The following MACROD2 variants were observed in gnomAD, a reference collection of about 807,000 sequenced individuals.
MACROD2 encodes the protein mono-ADP ribosylhydrolase 2.
A neutral mutation model predicts 70.4 loss-of-function variants in MACROD2; 36 were observed. The observed-to-expected ratio is 0.51, with a 90% CI of 0.39 to 0.68. The LOEUF (loss-of-function observed/expected upper bound fraction) is 0.68. MACROD2 is among the 30% of genes least tolerant of loss of function. MACROD2 has a pLI of 0.00. For missense variants in MACROD2, 496 were observed against 538.4 expected (o/e 0.92, Z 0.78); for synonymous variants, 172 against 178.8 (o/e 0.96, Z 0.30).
At chr20:15,084,077 T>TTTTTTTTGTTTGTTTTG (rs1555780896) in intron 5 of MACROD2, among the ~76,000 whole-genome samples, 2,080 of 145,694 alleles carry the variant, frequency 0.014, 59 homozygotes, top group African/African-American at 0.05. Flanking sequence ...TTTTTGTTTT[T>TTTTTTTTGTTTGTTTTG]TTTTTTTAAT....
At chr20:15,611,113 G>A (rs994289964) in intron 8 of MACROD2, among the ~76,000 whole-genome samples, 3 of 143,044 alleles carry the variant, frequency 2.1e-5, no homozygotes, top group Non-Finnish European at 4.5e-5. Flanking sequence ...ATGTCAGTCT[G>A]TACAGCTAAG....
chr20:14,558,980 C>T (rs1014897914), intron 4 of MACROD2, among the ~76,000 whole-genome samples: 12 of 151,636 alleles, frequency 7.9e-5, no homozygotes, highest in African/African-American at 2.9e-4. Flanking sequence ...CACACACAGA[C>T]ACAAAGATTC....
At chr20:15,682,538 A>G (rs1473633781) in intron 8 of MACROD2, among the ~76,000 whole-genome samples, 1 of 152,176 alleles carries the variant, frequency 6.6e-6, no homozygotes, top group Admixed American at 6.5e-5. Flanking sequence ...ATTTTTCTTC[A>G]TTTTTACAAG....
intron 4 of MACROD2, among the ~76,000 whole-genome samples, chr20:14,661,018 G>A (rs889080190): frequency 6.6e-6 from 1 of 152,056 alleles, no homozygotes; most frequent in African/African-American, 2.4e-5. Flanking sequence ...AAATACAAGT[G>A]CAGGTATGCT....
At chr20:15,105,815 C>A (rs1312315490) in intron 5 of MACROD2, among the ~76,000 whole-genome samples, 1 of 152,036 alleles carries the variant, frequency 6.6e-6, no homozygotes, top group Non-Finnish European at 1.5e-5. Flanking sequence ...TATTAGTAGT[C>A]CTATCTTTTA....
At chr20:15,689,814 A>G (rs1403663063) in intron 8 of MACROD2, among the ~76,000 whole-genome samples, 1 of 152,156 alleles carries the variant, frequency 6.6e-6, no homozygotes. Context: ...ATGGTTGGTG[A>G]CGATTATGAA....
Position 15,456,437 on chromosome 20 carries a change from T to C in MACROD2, c.571+25002T>C, listed in dbSNP as rs184673118. ...TGTTTGCTATTTGGATAGACAAGAG[T>C]GACTGCCTTCACTGCATTCAGGCAC... is the stretch of plus-strand genomic sequence containing the variant. On this transcript the variant is annotated intron_variant, in intron 7 of 17. Coordinates refer to ENST00000684519, the MANE Select transcript of MACROD2 (RefSeq NM_001351661.2). Among the ~76,000 whole-genome samples, 5 of 152,298 alleles carry C rather than the reference T, an allele frequency of 3.3e-5. No individual in the cohort carries two copies. The East Asian group carries it at 9.6e-4, about 29-fold the overall frequency.
intron 15 of MACROD2, among the ~76,000 whole-genome samples, chr20:16,011,623 C>T (rs565917748): frequency 1.9e-4 from 28 of 147,814 alleles, no homozygotes; most frequent in Middle Eastern, 3.4e-3. Context: ...CCAGCTCAAG[C>T]GCAAGCCCGA....
At chr20:15,653,929 A>G (rs546697634) in intron 8 of MACROD2, among the ~76,000 whole-genome samples, 9 of 152,130 alleles carry the variant, frequency 5.9e-5, no homozygotes, top group Admixed American at 1.3e-4. Context: ...TTCCACTCCA[A>G]TGGAAGAAAA....
At chr20:15,668,183 C>G (rs2049927336) in intron 8 of MACROD2, among the ~76,000 whole-genome samples, 1 of 151,792 alleles carries the variant, frequency 6.6e-6, no homozygotes, top group Non-Finnish European at 1.5e-5. Flanking sequence ...TCACTTGAAC[C>G]CAGGAGGCCG....
At chr20:16,024,530 GAC>G (rs141641248) in intron 15 of MACROD2, among the ~76,000 whole-genome samples, 1 of 150,502 alleles carries the variant, frequency 6.6e-6, no homozygotes. Flanking sequence ...CACACACACA[GAC>G]ACACACACAC....
intron 8 of MACROD2, among the ~76,000 whole-genome samples, chr20:15,748,957 T>G (rs1049531843): frequency 1.3e-5 from 2 of 152,136 alleles, no homozygotes; most frequent in Non-Finnish European, 2.9e-5. Flanking sequence ...AACCTTGGTT[T>G]ACTCATCTAT....
rs961439145 is a variant in MACROD2 at position 14,731,325 on chromosome 20, T to C, written c.418+46366T>C. ...AGAGAACACATCATATTTGTCCTCATTATAGAGATCGTTCTAATGAGGAAA... is the reference window on the plus strand; with the variant it reads ...AGAGAACACATCATATTTGTCCTCACTATAGAGATCGTTCTAATGAGGAAA... On this transcript the variant is annotated intron_variant, in intron 5 of 17. Coordinates refer to ENST00000684519, the MANE Select transcript of MACROD2 (RefSeq NM_001351661.2). Among the ~76,000 whole-genome samples, 5 of 152,112 alleles carry C rather than the reference T, an allele frequency of 3.3e-5. No homozygotes were observed. The East Asian group carries it at 9.6e-4, about 29-fold the overall frequency.
chr20:15,756,396 T>G (rs1462395179), intron 8 of MACROD2, among the ~76,000 whole-genome samples: 2 of 147,996 alleles, frequency 1.4e-5, no homozygotes, highest in African/African-American at 5.2e-5. Flanking sequence ...TGGAGTACTT[T>G]GCTTCTTGGT....
chr20:15,376,248 A>T (rs534756816), intron 6 of MACROD2, among the ~76,000 whole-genome samples: 1 of 152,252 alleles, frequency 6.6e-6, no homozygotes, highest in South Asian at 2.1e-4. Flanking sequence ...TAATTTTATA[A>T]CTCTTTGGAT....
intron 4 of MACROD2, among the ~76,000 whole-genome samples, chr20:14,517,178 C>G (rs2085110716): frequency 6.6e-6 from 1 of 152,036 alleles, no homozygotes; most frequent in Non-Finnish European, 1.5e-5. Flanking sequence ...CCCAGCAATC[C>G]CATTACTGGG....
At chr20:14,742,928 G>A (rs1462261277) in intron 5 of MACROD2, among the ~76,000 whole-genome samples, 1 of 150,492 alleles carries the variant, frequency 6.6e-6, no homozygotes, top group Non-Finnish European at 1.5e-5. Flanking sequence ...CACTATGCCC[G>A]GCTAATTTTT....
chr20:15,996,874 C>A (rs959235015), intron 15 of MACROD2, among the ~76,000 whole-genome samples: 2 of 152,080 alleles, frequency 1.3e-5, no homozygotes, highest in African/African-American at 4.8e-5. Flanking sequence ...AAGTTAATTT[C>A]TGTGAGTGGT....
Position 14,118,638 on chromosome 20 carries a change from A to G in MACROD2, c.271+32910A>G, listed in dbSNP as rs34342440. ...TCACCATAATACTTGGCAAGAGACA[A>G]CTTACACAGACTTTTCATTTTTATT... is the stretch of plus-strand genomic sequence containing the variant. On this transcript the variant is annotated intron_variant, in intron 3 of 17. Coordinates refer to ENST00000684519, the MANE Select transcript of MACROD2 (RefSeq NM_001351661.2). Among the ~76,000 whole-genome samples, 493 of 152,270 alleles carry G rather than the reference A, an allele frequency of 3.2e-3. 1 individual carries two copies. Among genetic ancestry groups the G allele is most frequent in the Non-Finnish European group, 5.5e-3 (373 of 68,024 alleles).
Sources: gnomAD v4.1 joint callset for allele counts (sites outside exome capture counted in the v4.1 genomes callset) on GRCh38, gnomAD v4.1.1 for gene constraint, MANE v1.5 for transcripts, NCBI Gene and HGNC (gene_info 2026-07-23, HGNC 2026-07-21) for gene names.